The following TPPP variants were observed in gnomAD, a reference collection of about 807,000 sequenced individuals.
TPPP encodes the protein tubulin polymerization-promoting protein.
Under a neutral mutation model 15.5 loss-of-function variants are expected in TPPP, and 6 were observed. The observed-to-expected ratio is 0.39, with a 90% CI of 0.21 to 0.77. The LOEUF (loss-of-function observed/expected upper bound fraction) is 0.77, where lower values mean the gene tolerates loss of function less well. TPPP is among the 30% of genes least tolerant of loss of function. The pLI, the probability that TPPP is intolerant of heterozygous loss-of-function variation, is 0.42. For synonymous variants in TPPP, 146 were observed against 133.9 expected, an observed-to-expected ratio of 1.09 and a Z score of -0.63; for missense variants, 269 against 307.2, an observed-to-expected ratio of 0.88 and a Z score of 0.93.
In TPPP at chr5:677,818, C is replaced by T; in HGVS notation, c.243G>A (p.Lys81=). The change falls in exon 2 of 4, where the codon AAG becomes AAA. Residue 81 remains lysine, a synonymous_variant. Coordinates refer to ENST00000360578, the MANE Select transcript of TPPP (RefSeq NM_007030.3). Reference sequence around the variant, plus strand: ...TCCTGCCGTCGATCACCTGGCAGTCCTTGCACAGCTTCGACCAGTTCTTGC... The same window carrying T: ...TCCTGCCGTCGATCACCTGGCAGTCTTTGCACAGCTTCGACCAGTTCTTGC... The part of the protein sequence containing the change: ...MHGKNWSKLC[K]DCQVIDGRNV... The T allele has an allele frequency of 6.2e-7, 1 of 1,610,046 alleles. No homozygotes were observed. Among genetic ancestry groups the T allele is most frequent in the Non-Finnish European group, 8.5e-7 (1 of 1,178,068 alleles).
At chr5:696,959 C>T (rs1741024354), upstream of TPPP, among the ~76,000 whole-genome samples, 1 of 147,936 alleles carries the variant, frequency 6.8e-6, no homozygotes, top group Non-Finnish European at 1.5e-5. Context: ...TGTCCACGTG[C>T]CTGTGTCTGT....
At chr5:675,652 C>T (rs1395058136) in intron 2 of TPPP, among the ~76,000 whole-genome samples, 1 of 151,844 alleles carries the variant, frequency 6.6e-6, no homozygotes, top group Non-Finnish European at 1.5e-5. Flanking sequence ...GTTGGACGGA[C>T]CCTCGAGGGC....
chr5:698,967 A>G, the TPPP span, among the ~76,000 whole-genome samples: 1 of 152,012 alleles, frequency 6.6e-6, no homozygotes, highest in Non-Finnish European at 1.5e-5. Flanking sequence ...AAGGAAGTGA[A>G]AGATCTTTAT....
chr5:700,196 A>G, the TPPP span, among the ~76,000 whole-genome samples: 116,771 of 151,548 alleles, frequency 0.77, 44,507 homozygotes, highest in African/African-American at 0.93. Context: ...GAACCTAAGC[A>G]TCCATCAGTG....
chr5:700,123 A>G, the TPPP span, among the ~76,000 whole-genome samples: 1 of 152,000 alleles, frequency 6.6e-6, no homozygotes, highest in African/African-American at 2.4e-5. Flanking sequence ...AATTAATTAT[A>G]TCAAAAACCA....
chr5:692,439 TAGC>T (rs1458820770), intron 1 of TPPP: 2 of 163,266 alleles, frequency 1.2e-5, no homozygotes, highest in Admixed American at 3.4e-4. Context: ...CGTATCAAAA[TAGC>T]AGCCTCCCAA....
intron 1 of TPPP, chr5:692,584 C>T: frequency 1.0e-6 from 1 of 983,040 alleles, no homozygotes; most frequent in Non-Finnish European, 1.2e-6. Context: ...GTTTACGTAA[C>T]CGAAACCGCA....
In TPPP at chr5:660,992, C is replaced by T. The variant is rs1201853004; in HGVS notation, c.*4110G>A. 6.6e-6 allele frequency: 1 copy of T among 152,222 alleles called. No homozygotes were observed. Among genetic ancestry groups the T allele is most frequent in the Non-Finnish European group, 1.5e-5 (1 of 68,040 alleles). The allele number at this position is 152,222 out of a possible 1,614,324, so 9.4% of individuals were successfully genotyped here. The stretch of plus-strand genomic sequence containing the variant: ...GTAGTCCAGTATAAATATATATCTT[C>T]TACAATATTTTAAACATATAATTTG... On this transcript the variant is annotated 3_prime_UTR_variant, in exon 4 of 4. Transcript: ENST00000360578.
chr5:673,753 C>G (rs1217161636), intron 2 of TPPP, among the ~76,000 whole-genome samples: 1 of 152,184 alleles, frequency 6.6e-6, no homozygotes, highest in East Asian at 1.9e-4. Flanking sequence ...GGGGGCCAAG[C>G]TTTAGCCCCC....
At chr5:692,351 T>C (rs570095101) in intron 1 of TPPP, among the ~76,000 whole-genome samples, 8 of 29,356 alleles carry the variant, frequency 2.7e-4, no homozygotes, top group East Asian at 1.2e-3. Context: ...CCCCCAACCC[T>C]ATCAAAACAG....
Position 665,105 on chromosome 5 carries a change from C to T in TPPP, c.657G>A (p.Lys219=), listed in dbSNP as rs748989836. The T allele has an allele frequency of 1.9e-6, 3 of 1,609,716 alleles. No individual in the cohort carries two copies. Among genetic ancestry groups the T allele is most frequent in the Admixed American group, 3.3e-5 (2 of 59,992 alleles). Residue 219 remains lysine, a synonymous_variant, in exon 4 of 4, where the codon AAG becomes AAA. Coordinates refer to ENST00000360578, the MANE Select transcript of TPPP (RefSeq NM_007030.3). ...GTYDQKVQGG[K] is the part of the protein sequence containing the mutation. ...GCCGCGAGGCATGGAGCGGGGGCTA[C>T]TTGCCCCCTTGCACCTTCTGGTCGT...
In TPPP at chr5:664,059, T is replaced by TG. The variant is rs1410964648; in HGVS notation, c.*1042dup. The TG allele has an allele frequency of 1.3e-5, 2 of 152,476 alleles. No individual in the cohort carries two copies. Among genetic ancestry groups the TG allele is most frequent in the African/African-American group, 4.8e-5 (2 of 41,434 alleles). The allele number at this position is 152,476 out of a possible 1,614,324, so 9.4% of individuals were successfully genotyped here. On this transcript the variant is annotated 3_prime_UTR_variant, in exon 4 of 4. Transcript: ENST00000360578. ...GAAACCCCCACAGACACTGCAGGACTGGGGGTCCTCCCTAGTGTCCTGCTC... is the reference window on the plus strand; with the variant it reads ...GAAACCCCCACAGACACTGCAGGACTGGGGGGTCCTCCCTAGTGTCCTGCTC...
chr5:672,093 G>A (rs1211570131), intron 2 of TPPP, among the ~76,000 whole-genome samples: 2 of 152,254 alleles, frequency 1.3e-5, no homozygotes, highest in Non-Finnish European at 2.9e-5. Flanking sequence ...CCTGGGTCCT[G>A]CTCCTGGGAG....
intron 3 of TPPP, among the ~76,000 whole-genome samples, 196 bp from the exon 4 acceptor site, chr5:665,492 C>T (rs749214999): frequency 7.9e-5 from 12 of 152,040 alleles, no homozygotes; most frequent in Non-Finnish European, 1.8e-4. Context: ...TGCGGGGTGC[C>T]ACAACCCTAA....
At chr5:668,253 G>GC (rs1740022951) in intron 2 of TPPP, among the ~76,000 whole-genome samples, 2 of 49,126 alleles carry the variant, frequency 4.1e-5, no homozygotes, top group African/African-American at 3.3e-4. Flanking sequence ...TCAGGGAAGT[G>GC]CGGACAAGCA....
At chr5:668,578 A>G (rs1561082413) in intron 2 of TPPP, among the ~76,000 whole-genome samples, 1 of 152,230 alleles carries the variant, frequency 6.6e-6, no homozygotes, top group African/African-American at 2.4e-5. Context: ...CGAGCTGAGC[A>G]GGCCGCGGGG....
chr5:685,381 T>G (rs1399703241), intron 1 of TPPP, among the ~76,000 whole-genome samples: 1 of 152,200 alleles, frequency 6.6e-6, no homozygotes, highest in Non-Finnish European at 1.5e-5. Flanking sequence ...CACACTTCTA[T>G]CCTGGTCGTC....
chr5:682,949 T>A (rs1309357733), intron 1 of TPPP, among the ~76,000 whole-genome samples: 1 of 152,154 alleles, frequency 6.6e-6, no homozygotes. Context: ...CCCTGGGGCC[T>A]GAGACCTCAG....
chr5:667,622 G>A (rs1011610066), intron 2 of TPPP, among the ~76,000 whole-genome samples: 1 of 152,168 alleles, frequency 6.6e-6, no homozygotes, highest in Non-Finnish European at 1.5e-5. Context: ...GGAATGAGAA[G>A]ACAAGCCACA....
Sources: allele counts gnomAD v4.1 joint callset (sites outside exome capture counted in the v4.1 genomes callset), GRCh38; gene constraint gnomAD v4.1.1; transcripts MANE v1.5; gene names NCBI Gene and HGNC (gene_info 2026-07-23, HGNC 2026-07-21).